RYR1: variants seen among roughly 807,000 people sequenced by gnomAD.
RYR1 encodes the protein ryanodine receptor 1.
RYR1 carries 342 observed loss-of-function variants against 583.5 expected under a neutral mutation model. That is an observed-to-expected ratio of 0.59 (90% CI 0.54 to 0.64). The LOEUF is 0.64. RYR1 is among the 30% of genes least tolerant of loss of function. RYR1 has a pLI of 0.00. For missense variants in RYR1, 6,032 were observed against 6,917.2 expected, an observed-to-expected ratio of 0.87 and a Z score of 4.54; for synonymous variants, 2,791 against 2,822.5, an observed-to-expected ratio of 0.99 and a Z score of 0.35.
intron 66 of RYR1, among the ~76,000 whole-genome samples, chr19:38,518,698 G>A (rs1284870505): frequency 6.6e-6 from 1 of 152,092 alleles, no homozygotes; most frequent in Non-Finnish European, 1.5e-5. Flanking sequence ...GGAGGCCGAG[G>A]CGGGTGGATC....
chr19:38,558,265 C>T (rs1972966425), intron 89 of RYR1, among the ~76,000 whole-genome samples: 1 of 152,114 alleles, frequency 6.6e-6, no homozygotes, highest in Non-Finnish European at 1.5e-5. Flanking sequence ...AAGCCATGAT[C>T]ACTCCATTAC....
chr19:38,514,222 G>A (rs1970850703), intron 63 of RYR1, among the ~76,000 whole-genome samples: 1 of 151,792 alleles, frequency 6.6e-6, no homozygotes, highest in African/African-American at 2.4e-5. Context: ...TTGAGACCAG[G>A]AGTTTGAGAT....
At chr19:38,528,845 A>C in intron 75 of RYR1, 106 bp from the exon 76 acceptor site, 1 of 1,444,886 alleles carries the variant, frequency 6.9e-7, no homozygotes, top group Non-Finnish European at 9.7e-7. Context: ...AGTAGGGCGC[A>C]GGATGTGGGA....
chr19:38,452,103 G>A (rs1967105136), intron 12 of RYR1, among the ~76,000 whole-genome samples: 2 of 119,454 alleles, frequency 1.7e-5, no homozygotes, highest in Non-Finnish European at 3.2e-5. Flanking sequence ...AGCCTGGGCA[G>A]CATAGGGAGA....
At chr19:38,524,186 C>CAAAAAAAAAA (rs56388141) in intron 70 of RYR1, among the ~76,000 whole-genome samples, 1 of 84,138 alleles carries the variant, frequency 1.2e-5, no homozygotes, top group Non-Finnish European at 2.4e-5. Context: ...CTTTTGTTCC[C>CAAAAAAAAAA]AAAAAAAAAA....
Position 38,566,935 on chromosome 19 carries a change from C to T in RYR1, c.13462C>T (p.Pro4488Ser). The change falls in exon 92 of 106, where the codon CCG becomes TCG. Residue 4488 changes from proline (P) to serine (S), a missense_variant. Pro to Ser is a moderately conservative substitution (Grantham distance 74). Transcript: ENST00000359596. ...LGVDGVEEEL[P>S]PEPEPEPEPE... Reference sequence around the variant, plus strand: ...GGTGGATGGAGTGGAGGAGGAGCTCCCGCCAGAGCCAGAGCCCGAGCCGGA... The same window carrying T: ...GGTGGATGGAGTGGAGGAGGAGCTCTCGCCAGAGCCAGAGCCCGAGCCGGA... 1 of 1,606,340 alleles carries T rather than the reference C, an allele frequency of 6.2e-7. No individual in the cohort carries two copies. Among genetic ancestry groups the T allele is most frequent in the Non-Finnish European group, 8.5e-7 (1 of 1,176,782 alleles).
intron 89 of RYR1, among the ~76,000 whole-genome samples, chr19:38,554,615 A>ATTTT (rs1972805516): frequency 6.6e-6 from 1 of 151,806 alleles, no homozygotes; most frequent in African/African-American, 2.4e-5. Flanking sequence ...TTGAAATCAC[A>ATTTT]TTTTATTTAT....
rs562935384 is a variant in RYR1 at position 38,562,731 on chromosome 19, A to C, written c.12624+1277A>C. Among the ~76,000 whole-genome samples the C allele has an allele frequency of 2.1e-4, 32 of 151,894 alleles. 1 individual carries two copies. The highest frequency in any genetic ancestry group is 2.1e-3 in the South Asian group (10 of 4,790). On this transcript the variant is annotated intron_variant, in intron 90 of 105. Coordinates refer to ENST00000359596, the MANE Select transcript of RYR1 (RefSeq NM_000540.3). ...ACACTCATACTCCTCCTGTCCCCCCACAGAGTCCCAGGCCCTTGCACACCT... is the reference window on the plus strand; with the variant it reads ...ACACTCATACTCCTCCTGTCCCCCCCCAGAGTCCCAGGCCCTTGCACACCT...
At position 38,528,592 on chromosome 19, in the gene RYR1, C is replaced by G. The variant is rs201651099; in HGVS notation, c.10938-7C>G. On this transcript the variant is annotated splice_region_variant and splice_polypyrimidine_tract_variant and intron_variant, in intron 74 of 105. Coordinates refer to ENST00000359596, the MANE Select transcript of RYR1 (RefSeq NM_000540.3). ...CGTCCCAGTGACGTCACACCTCTCC[C>G]CTGCAGGCACCGGGCATGTAACATG... The G allele has an allele frequency of 6.2e-6, 10 of 1,613,954 alleles. No homozygotes were observed. In the South Asian group the frequency reaches 6.6e-5, roughly 11 times the overall value.
intron 70 of RYR1, among the ~76,000 whole-genome samples, chr19:38,524,508 C>A (rs959956357): frequency 6.6e-6 from 1 of 152,176 alleles, no homozygotes; most frequent in African/African-American, 2.4e-5. Flanking sequence ...GTGCCTGGCA[C>A]AGGGGTCATG....
In RYR1 at chr19:38,512,168, C is replaced by T. The variant is rs1194872368; in HGVS notation, c.9233+36C>T. ...AGGCAGTGGCGCCCACTCCCACCAT[C>T]ATCGGGCCCCCACCCCAACCCCTGG... On this transcript the variant is annotated intron_variant, in intron 62 of 105. Coordinates refer to ENST00000359596, the MANE Select transcript of RYR1 (RefSeq NM_000540.3). This position sits in a 1 kb window ranked among gnomAD's most constrained non-coding sequence, Gnocchi z 5.1. The T allele has an allele frequency of 2.5e-6, 4 of 1,613,738 alleles. No homozygotes were observed. Among genetic ancestry groups the T allele is most frequent in the Non-Finnish European group, 3.4e-6 (4 of 1,179,696 alleles).
At chr19:38,440,674 G>A in intron 1 of RYR1, 71 bp from the exon 2 acceptor site, 2 of 1,573,198 alleles carry the variant, frequency 1.3e-6, no homozygotes, top group East Asian at 2.3e-5. Context: ...TGGGAGGAGG[G>A]GCCTGTGGTC....
Position 38,496,919 on chromosome 19 carries a change from C to G in RYR1, c.6856C>G (p.Leu2286Val). ...TGCCTCCGTCATTGACAACAATGAG[C>G]TGGCCTTGGCATTGCAGGAGCAGGA... ...AAASVIDNNE[L>V]ALALQEQDLE... is the part of the protein sequence containing the mutation. Residue 2286 changes from leucine to valine, a missense_variant, in exon 42 of 106, where the codon CTG (leucine) becomes GTG (valine). Physicochemically the swap from Leu to Val is conservative, Grantham distance 32. This residue lies in a region of RYR1 where 2,627 missense variants were observed against 2,961.3 expected (regional missense o/e 0.89). Coordinates refer to ENST00000359596, the MANE Select transcript of RYR1 (RefSeq NM_000540.3). The surrounding 1 kb of genome is among the most constrained non-coding windows in gnomAD (Gnocchi z 4.8). 1 of 1,613,596 alleles carries G rather than the reference C, an allele frequency of 6.2e-7. No individual in the cohort carries two copies. Among genetic ancestry groups the G allele is most frequent in the Non-Finnish European group, 8.5e-7 (1 of 1,179,980 alleles).
intron 78 of RYR1, among the ~76,000 whole-genome samples, chr19:38,534,286 C>A (rs1225684966): frequency 6.6e-6 from 1 of 152,094 alleles, no homozygotes; most frequent in Admixed American, 6.6e-5. Flanking sequence ...GCTGGGATTA[C>A]AGATGTGAGC....
chr19:38,525,192 G>A, intron 70 of RYR1, 140 bp from the exon 71 acceptor site: 1 of 916,046 alleles, frequency 1.1e-6, no homozygotes, highest in South Asian at 1.4e-5. Flanking sequence ...AGTCTGGGGT[G>A]GAAATTGAGG....
intron 70 of RYR1, among the ~76,000 whole-genome samples, chr19:38,524,291 T>C (rs1222852912): frequency 1.8e-5 from 2 of 110,592 alleles, no homozygotes; most frequent in African/African-American, 7.2e-5. Flanking sequence ...CGGAGCATGG[T>C]TGGGGAGGGG....
chr19:38,570,266 A>C (rs763669531), intron 93 of RYR1, among the ~76,000 whole-genome samples: 11 of 152,110 alleles, frequency 7.2e-5, no homozygotes, highest in Non-Finnish European at 1.6e-4. Context: ...AGCCTGGCCA[A>C]TATGGTGAAA....
At chr19:38,556,051 A>G (rs1198112167) in intron 89 of RYR1, among the ~76,000 whole-genome samples, 1 of 152,056 alleles carries the variant, frequency 6.6e-6, no homozygotes, top group Non-Finnish European at 1.5e-5. Context: ...TTTAGTAGAG[A>G]CAAGGTTTCG....
At chr19:38,467,862 C>T (rs763537032) in intron 25 of RYR1, 50 bp downstream of exon 25, 1 of 1,580,744 alleles carries the variant, frequency 6.3e-7, no homozygotes, top group Non-Finnish European at 8.6e-7. Context: ...GTCTCTCCCA[C>T]AGCTTGTCTA....
Sources: allele counts gnomAD v4.1 joint callset (sites outside exome capture counted in the v4.1 genomes callset), GRCh38; gene constraint gnomAD v4.1.1; regional missense constraint gnomAD v4.1.1; non-coding constraint Gnocchi (gnomAD v3.1); transcripts MANE v1.5; gene names NCBI Gene and HGNC (gene_info 2026-07-23, HGNC 2026-07-21).